The following TTN variants were observed in gnomAD, a reference collection of about 807,000 sequenced individuals.
TTN encodes the protein connectin.
Under a neutral mutation model 3,223.0 loss-of-function variants are expected in TTN, and 1,525 were observed. The ratio of observed to expected loss-of-function variants is 0.47; its 90% confidence interval spans 0.45 to 0.49. The LOEUF (loss-of-function observed/expected upper bound fraction) is 0.49, where lower values mean the gene tolerates loss of function less well. Ranked by LOEUF, TTN falls within the 20% of genes least tolerant of loss-of-function variation. The pLI is 0.00. For missense variants in TTN, 40,786 were observed against 43,424.0 expected (o/e 0.94, Z 5.40); for synonymous variants, 14,094 against 15,161.0 (o/e 0.93, Z 5.17).
Position 178,749,412 on chromosome 2 carries a change from T to C in TTN, c.11311+3712A>G, listed in dbSNP as rs1561009377. 6.2e-7 allele frequency: 1 copy of C among 1,613,156 alleles called. No individual in the cohort carries two copies. ...TGCACAAATCTGGGAATTTTTTCTC[T>C]AGAAGGTATGCAACGCACCTGCTCT... On this transcript the variant is annotated intron_variant, in intron 47 of 362. Transcript: ENST00000589042.
chr2:178,802,431 T>A, intron 2 of TTN, 90 bp from the exon 3 acceptor site: 2 of 1,445,160 alleles, frequency 1.4e-6, no homozygotes, highest in Non-Finnish European at 1.9e-6. Context: ...CTTGTCCGAA[T>A]CTGTAAAAGC....
chr2:178,704,947 C>G lies in TTN; in HGVS notation c.29624G>C (p.Arg9875Thr). The G allele has an allele frequency of 6.2e-7, 1 of 1,612,634 alleles. No homozygotes were observed. Among genetic ancestry groups the G allele is most frequent in the Non-Finnish European group, 8.5e-7 (1 of 1,179,718 alleles). ...THRLEIEEIE[R>T]SERDEKEFEE... is the part of the protein sequence containing the mutation. ...AAATTCCTTTTCGTCCCTCTCTGAC[C>G]TCTCTATTTCCTCAATTTCCTGAGA... Residue 9875 changes from arginine to threonine, a missense_variant, in exon 104 of 363, where the codon AGG becomes ACG. Coordinates refer to ENST00000589042, the MANE Select transcript of TTN (RefSeq NM_001267550.2).
chr2:178,704,566 C>T lies in TTN; in HGVS notation c.29906G>A (p.Gly9969Asp), dbSNP rs756024325. 1.9e-6 allele frequency: 3 copies of T among 1,613,574 alleles called. No individual in the cohort carries two copies. The highest frequency in any genetic ancestry group is 1.1e-5 in the South Asian group (1 of 90,980). ...RVKNCQLKDQGNYRLVCGPHI... is the reference protein window; with the variant it reads ...RVKNCQLKDQDNYRLVCGPHI... ...TGGACCACAAACCAATCGATAATTG[C>T]CCTGGTCTTTAAGTTGACAGTTTTT... is the stretch of plus-strand genomic sequence containing the variant. The change falls in exon 105 of 363, where the codon GGC becomes GAC. Residue 9969 changes from glycine (G) to aspartate (D), a missense_variant. Gly to Asp is a moderately conservative substitution (Grantham distance 94, BLOSUM62 -1). Transcript: ENST00000589042.
chr2:178,545,795 A>C, intron 343 of TTN, 25 bp downstream of exon 343: 1 of 1,604,888 alleles, frequency 6.2e-7, no homozygotes, highest in Non-Finnish European at 8.5e-7. Flanking sequence ...CAACTGTCAA[A>C]TTATTTAAAA....
At chr2:178,612,620 AC>A in intron 265 of TTN, 44 bp from the exon 266 acceptor site, 1 of 1,571,988 alleles carries the variant, frequency 6.4e-7, no homozygotes, top group South Asian at 1.2e-5. Context: ...TTTTTTTATT[AC>A]CCAATAGTCA....
chr2:178,557,855 C>T lies in TTN; in HGVS notation c.87499G>A (p.Gly29167Arg). 1.2e-6 allele frequency: 2 copies of T among 1,613,886 alleles called. No individual in the cohort carries two copies. The highest frequency in any genetic ancestry group is 1.7e-6 in the Non-Finnish European group (2 of 1,179,850). ...LKWEPPKYDG[G>R]SQVTNYILLK... is the part of the protein sequence containing the mutation. Reference sequence around the variant, plus strand: ...AGAATGTAGTTGGTAACTTGACTTCCACCGTCATACTTAGGTGGCTCCCAT... The same window carrying T: ...AGAATGTAGTTGGTAACTTGACTTCTACCGTCATACTTAGGTGGCTCCCAT... Residue 29167 changes from glycine (G) to arginine (R), a missense_variant, in exon 328 of 363, where the codon GGA becomes AGA. Physicochemically the swap from Gly to Arg is moderately radical, Grantham distance 125 (BLOSUM62 -2). Coordinates refer to ENST00000589042, the MANE Select transcript of TTN (RefSeq NM_001267550.2).
Position 178,557,920 on chromosome 2 carries a change from A to G in TTN, c.87434T>C (p.Val29145Ala). 3.1e-6 allele frequency: 5 copies of G among 1,613,444 alleles called. No individual in the cohort carries two copies. The highest frequency in any genetic ancestry group is 4.2e-6 in the Non-Finnish European group (5 of 1,179,856). ...LDRPGPPTGP[V>A]VISDITEESV... Reference sequence around the variant, plus strand: ...TTCTTCAGTTATATCACTAATAACAACAGGGCCAGTTGGAGGACCAGGCCT... The same window carrying G: ...TTCTTCAGTTATATCACTAATAACAGCAGGGCCAGTTGGAGGACCAGGCCT... Residue 29145 changes from valine (V) to alanine (A), a missense_variant, in exon 328 of 363, where the codon GTT becomes GCT. Physicochemically the swap from Val to Ala is moderately conservative, Grantham distance 64 (BLOSUM62 0). Coordinates refer to ENST00000589042, the MANE Select transcript of TTN (RefSeq NM_001267550.2).
intron 281 of TTN, 96 bp from the exon 282 acceptor site, chr2:178,604,401 TAAG>T: frequency 2.0e-6 from 2 of 1,017,382 alleles, no homozygotes; most frequent in Non-Finnish European, 2.6e-6. Flanking sequence ...GGGATGACTG[TAAG>T]AAGAAATAAA....
intron 270 of TTN, 45 bp from the exon 271 acceptor site, chr2:178,610,434 G>A: frequency 6.3e-7 from 1 of 1,590,490 alleles, no homozygotes; most frequent in Non-Finnish European, 8.6e-7. Context: ...TGAAAAATCA[G>A]CATTTTAATA....
intron 100 of TTN, 51 bp downstream of exon 100, chr2:178,707,475 A>G: frequency 6.6e-7 from 1 of 1,526,294 alleles, no homozygotes; most frequent in African/African-American, 1.4e-5. Flanking sequence ...AAGCAAATAA[A>G]CATGAGTGGT....
At position 178,585,261 on chromosome 2, in the gene TTN, G is replaced by A; in HGVS notation, c.64483C>T (p.His21495Tyr). The change falls in exon 309 of 363, where the codon CAT (histidine) becomes TAT (tyrosine). Residue 21495 changes from histidine to tyrosine, a missense_variant. Transcript: ENST00000589042. The stretch of plus-strand genomic sequence containing the variant: ...CCTTTTTTCCATTTACAGGTGGGAT[G>A]AGGCTTTCCATACACATGGGCTTCA... ...RIEAHVYGKP[H>Y]PTCKWKKGED... 1 of 1,613,274 alleles carries A rather than the reference G, an allele frequency of 6.2e-7. No homozygotes were observed. The highest frequency in any genetic ancestry group is 8.5e-7 in the Non-Finnish European group (1 of 1,179,418).
In TTN at chr2:178,566,860, C is replaced by T; in HGVS notation, c.79272G>A (p.Glu26424=). Residue 26424 remains glutamate (E), a synonymous_variant, in exon 326 of 363, where the codon GAG becomes GAA. Coordinates refer to ENST00000589042, the MANE Select transcript of TTN (RefSeq NM_001267550.2). ...GGSEIIGYIV[E]KRDRSGIRWI... is the part of the protein sequence containing the mutation. ...ATCGAATGCCACTTCTGTCTCTTTTCTCTACAATGTAACCAATAATCTCAC... is the reference window on the plus strand; with the variant it reads ...ATCGAATGCCACTTCTGTCTCTTTTTTCTACAATGTAACCAATAATCTCAC... The T allele has an allele frequency of 6.2e-7, 1 of 1,613,440 alleles. No individual in the cohort carries two copies. The highest frequency in any genetic ancestry group is 8.5e-7 in the Non-Finnish European group (1 of 1,179,652).
chr2:178,551,885 C>T lies in TTN; in HGVS notation c.91015G>A (p.Asp30339Asn). 6.2e-7 allele frequency: 1 copy of T among 1,613,874 alleles called. No individual in the cohort carries two copies. Among genetic ancestry groups the T allele is most frequent in the Middle Eastern group, 1.7e-4 (1 of 6,058 alleles). The change falls in exon 335 of 363, where the codon GAT becomes AAT. Residue 30339 changes from aspartate (D) to asparagine (N), a missense_variant. Transcript: ENST00000589042. ...GCATCCCAAGTTAGTGACATGCCAT[C>T]AGAAGTCACATTGTATATAACTGGC... The part of the protein sequence containing the change: ...GKPVIYNVTS[D>N]GMSLTWDAPV...
chr2:178,797,493 T>C (rs1458371874), intron 6 of TTN, among the ~76,000 whole-genome samples: 1 of 152,186 alleles, frequency 6.6e-6, no homozygotes, highest in Non-Finnish European at 1.5e-5. Context: ...TGATTTTTAA[T>C]GCATTTAGTG....
chr2:178,801,847 C>A (rs940291666), intron 3 of TTN, among the ~76,000 whole-genome samples: 1 of 152,170 alleles, frequency 6.6e-6, no homozygotes, highest in Non-Finnish European at 1.5e-5. Flanking sequence ...AGGCTCCAAG[C>A]TTTTCTACTT....
intron 47 of TTN, chr2:178,748,333 C>T: frequency 2.5e-6 from 4 of 1,612,970 alleles, no homozygotes; most frequent in Non-Finnish European, 3.4e-6. Flanking sequence ...TACTACTTTT[C>T]TCCACCATAG....
At position 178,562,999 on chromosome 2, in the gene TTN, C is replaced by T. The variant is rs369223412; in HGVS notation, c.83133G>A (p.Lys27711=). 426 of 1,613,558 alleles carry T rather than the reference C, an allele frequency of 2.6e-4. No homozygotes were observed. The highest frequency in any genetic ancestry group is 3.4e-4 in the Non-Finnish European group (402 of 1,179,724). The change falls in exon 326 of 363, where the codon AAG becomes AAA. Residue 27711 remains lysine (K), a synonymous_variant. Transcript: ENST00000589042. ...GRPEPEVKWE[K]AEGILTDRAQ... ...CCCTGTCAGTGAGAATGCCTTCTGC[C>T]TTTTCCCATTTAACTTCGGGTTCTG... is the stretch of plus-strand genomic sequence containing the variant.
In TTN at chr2:178,536,357, C is replaced by A. The variant is rs374920916; in HGVS notation, c.100390G>T (p.Glu33464Ter). ...AGATTTTCACATTTCACACGAAACT[C>A]GTATTCAAGACCTTCAATAAGGTTT... is the stretch of plus-strand genomic sequence containing the variant. ...VKNLIEGLEYEFRVKCENLGG... is the reference protein window; with the variant it reads ...VKNLIEGLEY The change falls in exon 357 of 363, where the codon GAG becomes TAG. Residue 33464 changes from glutamate (E) to a stop codon, truncating the protein, a stop_gained. Transcript: ENST00000589042. LOFTEE classifies it high-confidence loss of function. 2 of 1,613,756 alleles carry A rather than the reference C, an allele frequency of 1.2e-6. No homozygotes were observed. The highest frequency in any genetic ancestry group is 1.7e-6 in the Non-Finnish European group (2 of 1,179,774).
rs1691502761 is a variant in TTN, at chr2:178,536,368, C to T, written c.100379G>A (p.Gly33460Asp). The T allele has an allele frequency of 6.2e-7, 1 of 1,613,768 alleles. No individual in the cohort carries two copies. The highest frequency in any genetic ancestry group is 1.3e-5 in the African/African-American group (1 of 75,042). ...TVFSVKNLIE[G>D]LEYEFRVKCE... ...TTTCACACGAAACTCGTATTCAAGA[C>T]CTTCAATAAGGTTTTTCACTGAAAA... The change falls in exon 357 of 363, where the codon GGT becomes GAT. Residue 33460 changes from glycine (G) to aspartate (D), a missense_variant. Transcript: ENST00000589042.
Sources: allele counts gnomAD v4.1 joint callset (sites outside exome capture counted in the v4.1 genomes callset), GRCh38; gene constraint gnomAD v4.1.1; transcripts MANE v1.5; gene names NCBI Gene and HGNC (gene_info 2026-07-23, HGNC 2026-07-21).